ALDH1A3: variants seen among roughly 807,000 people sequenced by gnomAD.
ALDH1A3 encodes aldehyde dehydrogenase 1 family member A3.
ALDH1A3 carries 28 observed loss-of-function variants against 57.5 expected under a neutral mutation model. The ratio of observed to expected loss-of-function variants is 0.49; its 90% CI spans 0.36 to 0.67. The LOEUF (loss-of-function observed/expected upper bound fraction) is 0.67. Among genes scored for constraint, ALDH1A3 ranks in the 30% least tolerant of loss-of-function variants. ALDH1A3 has a pLI of 0.00. For missense variants in ALDH1A3, 507 were observed against 669.4 expected (o/e 0.76, Z 2.68); for synonymous variants, 281 against 264.8 (o/e 1.06, Z -0.59).
chr15:100,900,541 G>T (rs368932709), intron 8 of ALDH1A3, 34 bp from the exon 9 acceptor site: 1 of 1,547,700 alleles, frequency 6.5e-7, no homozygotes, highest in Non-Finnish European at 8.8e-7. Flanking sequence ...GCTTCCTCTC[G>T]CTCTGCCCGC....
chr15:100,880,415 C>A (rs1161474053), intron 1 of ALDH1A3: 1 of 369,082 alleles, frequency 2.7e-6, no homozygotes, highest in Non-Finnish European at 4.8e-6. Context: ...GTGGACGAGT[C>A]TGGCTTTGAG....
intron 7 of ALDH1A3, among the ~76,000 whole-genome samples, chr15:100,896,472 C>T (rs1196390588): frequency 6.6e-6 from 1 of 151,100 alleles, no homozygotes; most frequent in African/African-American, 2.4e-5. Context: ...AATAGAAATA[C>T]GACGTGCCCA....
rs150876904 is a variant in ALDH1A3 at position 100,898,246 on chromosome 15, C to T, written c.883+61C>T. 452 of 1,460,400 alleles carry T rather than the reference C, an allele frequency of 3.1e-4. No individual in the cohort carries two copies. In the African/African-American group the frequency reaches 5.1e-3, roughly 16 times the overall value. The allele number at this position is 1,460,400 out of a possible 1,614,324, so 90.5% of individuals were successfully genotyped here. A position where few individuals can be genotyped will look rare whatever the true frequency, so the allele number is the denominator to read the frequency against. On this transcript the variant is annotated intron_variant, in intron 8 of 12. Coordinates refer to ENST00000329841, the MANE Select transcript of ALDH1A3 (RefSeq NM_000693.4). ...CAGGGCATCCATCTGTCTCCCCCTA[C>T]TTCCTGGCCTGAATTCAAAACCAAC...
At chr15:100,890,044 C>T (rs1280550959) in intron 3 of ALDH1A3, among the ~76,000 whole-genome samples, 2 of 152,170 alleles carry the variant, frequency 1.3e-5, no homozygotes, top group African/African-American at 2.4e-5. Flanking sequence ...GGGGATCCAG[C>T]GGCCCCTGGA....
At chr15:100,901,115 G>C (rs138415147) in intron 9 of ALDH1A3, among the ~76,000 whole-genome samples, 1 of 152,154 alleles carries the variant, frequency 6.6e-6, no homozygotes, top group Non-Finnish European at 1.5e-5. Context: ...GTCGCAGCCC[G>C]AGGCCCTCAA....
rs1381077512 is a variant in ALDH1A3 at position 100,889,324 on chromosome 15, T to A, written c.345+1612T>A. On this transcript the variant is annotated intron_variant, in intron 3 of 12. Transcript: ENST00000329841. The surrounding 1 kb of genome is among the most constrained non-coding windows in gnomAD (Gnocchi z 5.1). ...AATGTGTTTCTCAGGGTGGAGGAAC[T>A]CTCAGGCCGTACTCTTGGGTGCATT... Among the ~76,000 whole-genome samples the A allele has an allele frequency of 6.6e-6, 1 of 152,134 alleles. No homozygotes were observed. The highest frequency in any genetic ancestry group is 1.5e-5 in the Non-Finnish European group (1 of 68,028).
chr15:100,890,634 G>C (rs2041639535), intron 3 of ALDH1A3, among the ~76,000 whole-genome samples: 1 of 152,206 alleles, frequency 6.6e-6, no homozygotes, highest in Admixed American at 6.5e-5. Context: ...GAGGCCCAGA[G>C]AGGTTAAGTA....
chr15:100,892,138 A>C (rs1392314508), intron 3 of ALDH1A3: 1 of 225,254 alleles, frequency 4.4e-6, no homozygotes, highest in Non-Finnish European at 8.7e-6. Context: ...ACACAAGCAC[A>C]CACGACTGGC....
At chr15:100,886,577 G>C (rs564467314) in intron 2 of ALDH1A3, among the ~76,000 whole-genome samples, 12 of 152,298 alleles carry the variant, frequency 7.9e-5, no homozygotes, top group African/African-American at 2.9e-4. Flanking sequence ...ACTCGGTAGA[G>C]TCACTCCTGA....
chr15:100,908,587 A>C (rs141580132), intron 12 of ALDH1A3, 105 bp downstream of exon 12: 3 of 1,004,998 alleles, frequency 3.0e-6, no homozygotes, highest in Admixed American at 1.8e-5. Context: ...CGTCCCCCCC[A>C]CACCGCCGCT....
At chr15:100,884,658 G>A (rs1050207413) in intron 1 of ALDH1A3, among the ~76,000 whole-genome samples, 3 of 151,018 alleles carry the variant, frequency 2.0e-5, no homozygotes, top group Non-Finnish European at 4.4e-5. Flanking sequence ...GTAAACATGC[G>A]CCATGGTGGT....
chr15:100,905,724 GC>G, intron 10 of ALDH1A3, 37 bp downstream of exon 10: 1 of 1,500,428 alleles, frequency 6.7e-7, no homozygotes, highest in South Asian at 1.4e-5. Context: ...GACTTGCGGG[GC>G]CTTTCAAACA....
chr15:100,895,828 G>A, intron 6 of ALDH1A3, 105 bp from the exon 7 acceptor site: 1 of 1,003,330 alleles, frequency 1.0e-6, no homozygotes, highest in Non-Finnish European at 1.5e-6. Context: ...CCCGGCCCGG[G>A]TTCCCTGTGG....
chr15:100,900,579 C>T lies in ALDH1A3; in HGVS notation c.888C>T (p.Asp296=). Residue 296 remains aspartate (D), a synonymous_variant, in exon 9 of 13, where the codon GAC becomes GAT. Coordinates refer to ENST00000329841, the MANE Select transcript of ALDH1A3 (RefSeq NM_000693.4). Reference sequence around the variant, plus strand: ...CCCTCGCCCCTCCCCCTCCAGTGGACTTGGCAGTGGAGTGTGCCCATCAGG... The same window carrying T: ...CCCTCGCCCCTCCCCCTCCAGTGGATTTGGCAGTGGAGTGTGCCCATCAGG... ...PCIVCADADL[D]LAVECAHQGV... is the part of the protein sequence containing the mutation. 6.3e-7 allele frequency: 1 copy of T among 1,585,078 alleles called. No homozygotes were observed. The highest frequency in any genetic ancestry group is 1.3e-5 in the African/African-American group (1 of 74,504).
chr15:100,886,657 G>C (rs2041597438), intron 2 of ALDH1A3, among the ~76,000 whole-genome samples: 1 of 152,174 alleles, frequency 6.6e-6, no homozygotes, highest in Non-Finnish European at 1.5e-5. Context: ...CCTTCGAGAT[G>C]AATGTGGCCC....
rs866442623 is a variant in ALDH1A3 at position 100,906,014 on chromosome 15, T to C, written c.1233+327T>C. 6.6e-6 allele frequency among the ~76,000 whole-genome samples: 1 copy of C among 152,120 alleles called. No individual in the cohort carries two copies. The highest frequency in any genetic ancestry group is 2.1e-4 in the South Asian group (1 of 4,822). On this transcript the variant is annotated intron_variant, in intron 10 of 12. Transcript: ENST00000329841. The surrounding 1 kb of genome is among the most constrained non-coding windows in gnomAD (Gnocchi z 4.8). ...ACACAACCGGTCCCCGAGTCAGTCA[T>C]GCAGCCGCAGGTGGAGAACTGTTGC...
At position 100,892,737 on chromosome 15, in the gene ALDH1A3, T is replaced by C. The variant is rs2041662807; in HGVS notation, c.475+98T>C. On this transcript the variant is annotated intron_variant, in intron 4 of 12. Coordinates refer to ENST00000329841, the MANE Select transcript of ALDH1A3 (RefSeq NM_000693.4). ...CCTGACTGTTTCCCTAAGGCACCAT[T>C]CCCAACCCCACTCCCTCTCCAAATG... 6 of 1,488,414 alleles carry C rather than the reference T, an allele frequency of 4.0e-6. 1 individual carries two copies. The South Asian group carries it at 8.1e-5, about 20-fold the overall frequency. 92.2% of individuals were successfully genotyped at this position (1,488,414 alleles called of 1,614,324 possible).
intron 12 of ALDH1A3, among the ~76,000 whole-genome samples, 200 bp downstream of exon 12, chr15:100,908,682 A>C (rs561510758): frequency 1.3e-5 from 2 of 152,154 alleles, no homozygotes; most frequent in East Asian, 3.9e-4. Context: ...TTACATCCTC[A>C]GCCTGCCCCC....
At chr15:100,900,931 G>A (rs923686677) in intron 9 of ALDH1A3, among the ~76,000 whole-genome samples, 172 bp downstream of exon 9, 2 of 152,156 alleles carry the variant, frequency 1.3e-5, no homozygotes, top group South Asian at 2.1e-4. Context: ...GTCAGGTCCC[G>A]GGGGCTCACG....
Sources: allele counts gnomAD v4.1 joint callset (sites outside exome capture counted in the v4.1 genomes callset), GRCh38; gene constraint gnomAD v4.1.1; non-coding constraint Gnocchi (gnomAD v3.1); transcripts MANE v1.5; gene names NCBI Gene and HGNC (gene_info 2026-07-23, HGNC 2026-07-21).